The following ESRRG variants were observed in gnomAD, a reference collection of about 807,000 sequenced individuals.
ESRRG encodes the protein estrogen-related receptor gamma.
Under a neutral mutation model 44.0 loss-of-function variants are expected in ESRRG, and 13 were observed. The observed-to-expected ratio is 0.30, with a 90% CI of 0.19 to 0.47. ESRRG has a LOEUF of 0.47. Ranked by LOEUF, ESRRG falls within the 20% of genes least tolerant of loss-of-function variation. The pLI is 1.00. For synonymous variants in ESRRG, 215 were observed against 214.6 expected (o/e 1.00, Z -0.02); for missense variants, 395 against 580.6 (o/e 0.68, Z 3.29).
At chr1:216,732,836 AT>A (rs2089120567) in intron 2 of ESRRG, among the ~76,000 whole-genome samples, 1 of 138,070 alleles carries the variant, frequency 7.2e-6, no homozygotes, top group East Asian at 2.5e-4. Flanking sequence ...CATCTCTAAA[AT>A]TAAAAAAAAA....
At chr1:217,008,668 C>T (rs1272677587) in intron 1 of ESRRG, among the ~76,000 whole-genome samples, 1 of 152,166 alleles carries the variant, frequency 6.6e-6, no homozygotes, top group Non-Finnish European at 1.5e-5. Flanking sequence ...AAGCAGCATC[C>T]CAACTTCTAC....
intron 3 of ESRRG, among the ~76,000 whole-genome samples, chr1:216,628,049 G>T (rs867810089): frequency 1.3e-5 from 2 of 152,120 alleles, no homozygotes; most frequent in African/African-American, 4.8e-5. Context: ...GAGCTTGATG[G>T]TGTACTTTCT....
chr1:216,607,981 G>A (rs773283488), intron 3 of ESRRG, among the ~76,000 whole-genome samples: 1 of 152,180 alleles, frequency 6.6e-6, no homozygotes, highest in Non-Finnish European at 1.5e-5. Flanking sequence ...ATATCAAGGA[G>A]TACTAATGTC....
chr1:216,544,512 C>G (rs1260139467), intron 5 of ESRRG, among the ~76,000 whole-genome samples: 1 of 151,958 alleles, frequency 6.6e-6, no homozygotes, highest in Non-Finnish European at 1.5e-5. Flanking sequence ...GCTTTCAGTG[C>G]TAGGCTTTTT....
chr1:216,944,402 G>T (rs2065747637), intron 1 of ESRRG, among the ~76,000 whole-genome samples: 1 of 152,086 alleles, frequency 6.6e-6, no homozygotes, highest in Non-Finnish European at 1.5e-5. Context: ...ATAAATAAGA[G>T]AAGAAGACAT....
intron 5 of ESRRG, among the ~76,000 whole-genome samples, chr1:216,558,594 G>A (rs1177932805): frequency 2.0e-5 from 3 of 152,060 alleles, no homozygotes; most frequent in African/African-American, 7.2e-5. Context: ...TGTACATTTA[G>A]ATCATGCTTT....
At chr1:216,714,658 A>G in intron 1 of ESRRG, 2 of 601,670 alleles carry the variant, frequency 3.3e-6, no homozygotes, top group East Asian at 1.4e-4. Flanking sequence ...AAGAAATAAA[A>G]AAATACAATT....
intron 1 of ESRRG, among the ~76,000 whole-genome samples, chr1:216,951,715 C>CTG (rs1418709890): frequency 1.1e-5 from 1 of 92,018 alleles, no homozygotes; most frequent in African/African-American, 4.2e-5. Context: ...GGAACTATCA[C>CTG]TATGTGTGTG....
chr1:216,701,278 A>G (rs1288976503), intron 1 of ESRRG: 2 of 152,154 alleles, frequency 1.3e-5, no homozygotes, highest in African/African-American at 2.4e-5. Context: ...GCACCACACT[A>G]TCTTGCTTCC....
At chr1:216,798,990 C>A (rs569215831) in intron 2 of ESRRG, among the ~76,000 whole-genome samples, 2 of 152,214 alleles carry the variant, frequency 1.3e-5, no homozygotes, top group East Asian at 3.9e-4. Context: ...AATCCCCTCA[C>A]TGACAAAATG....
chr1:217,035,319 CAAAAAAA>C (rs397709457), intron 1 of ESRRG, among the ~76,000 whole-genome samples: 1 of 75,178 alleles, frequency 1.3e-5, no homozygotes, highest in Admixed American at 1.7e-4. Context: ...GACTCTGTCT[CAAAAAAA>C]AAAAAAAAAA....
intron 2 of ESRRG, among the ~76,000 whole-genome samples, chr1:216,893,559 T>C (rs535192367): frequency 5.5e-4 from 84 of 152,314 alleles, no homozygotes; most frequent in Middle Eastern, 3.4e-3. Flanking sequence ...ACACAGTGTC[T>C]GGCAAGCAGT....
chr1:217,017,001 C>A (rs537704868), intron 1 of ESRRG, among the ~76,000 whole-genome samples: 1 of 152,096 alleles, frequency 6.6e-6, no homozygotes, highest in Non-Finnish European at 1.5e-5. Context: ...TAACAGACTG[C>A]AAATCAATAA....
At chr1:217,093,167 T>C (rs1004621869), upstream of ESRRG, among the ~76,000 whole-genome samples, 2 of 152,196 alleles carry the variant, frequency 1.3e-5, no homozygotes, top group Non-Finnish European at 2.9e-5. Flanking sequence ...AGGCAGGAGA[T>C]ATGTGATCTC....
chr1:216,936,702 T>C (rs2064202139), intron 2 of ESRRG: 1 of 150,700 alleles, frequency 6.6e-6, no homozygotes, highest in South Asian at 2.1e-4. Flanking sequence ...TCACGGACCT[T>C]GAGGAAAAAA....
chr1:217,039,082 A>T (rs929325603), intron 1 of ESRRG, among the ~76,000 whole-genome samples: 7 of 152,162 alleles, frequency 4.6e-5, no homozygotes, highest in Non-Finnish European at 1.0e-4. Context: ...GTTCGCATTG[A>T]GTTCCTCATT....
chr1:216,995,354 C>G (rs551776809), intron 1 of ESRRG, among the ~76,000 whole-genome samples: 78 of 152,316 alleles, frequency 5.1e-4, no homozygotes, highest in African/African-American at 1.9e-3. Flanking sequence ...CATGATACTA[C>G]CAGAGTGTCT....
intron 2 of ESRRG, among the ~76,000 whole-genome samples, chr1:216,868,250 G>A (rs1368489342): frequency 6.6e-6 from 1 of 151,858 alleles, no homozygotes; most frequent in African/African-American, 2.4e-5. Flanking sequence ...ACCATGCCCA[G>A]TTAATTTATT....
intron 2 of ESRRG, among the ~76,000 whole-genome samples, chr1:216,832,530 C>T (rs1215541107): frequency 6.6e-6 from 1 of 152,198 alleles, no homozygotes; most frequent in Non-Finnish European, 1.5e-5. Context: ...CATTCAACAA[C>T]TCTGAACGAA....
Sources: gnomAD v4.1 joint callset for allele counts (sites outside exome capture counted in the v4.1 genomes callset) on GRCh38, gnomAD v4.1.1 for gene constraint, MANE v1.5 for transcripts, NCBI Gene and HGNC (gene_info 2026-07-23, HGNC 2026-07-21) for gene names.